The following N4BP2L2 variants were observed in gnomAD, a reference collection of about 807,000 sequenced individuals.
The protein encoded by N4BP2L2 is NEDD4-binding protein 2-like 2.
N4BP2L2 carries 50 observed loss-of-function variants against 56.2 expected under a neutral mutation model. That is an observed-to-expected ratio of 0.89 (90% CI 0.71 to 1.13). The LOEUF (loss-of-function observed/expected upper bound fraction) is 1.13, where lower values mean the gene tolerates loss of function less well. Ranked by LOEUF, N4BP2L2 falls within the 50% of genes most tolerant of loss-of-function variation. The pLI is 0.00. For synonymous variants in N4BP2L2, 203 were observed against 223.6 expected, an observed-to-expected ratio of 0.91 and a Z score of 0.82; for missense variants, 689 against 693.8, an observed-to-expected ratio of 0.99 and a Z score of 0.08.
chr13:32,491,638 T>A (rs1350338261), intron 6 of N4BP2L2, among the ~76,000 whole-genome samples: 453 of 57,182 alleles, frequency 7.9e-3, no homozygotes, highest in African/African-American at 0.02. Context: ...TATATATATT[T>A]TTTTTTTTTT....
At chr13:32,505,037 A>G (rs920954311) in intron 6 of N4BP2L2, 3 of 152,240 alleles carry the variant, frequency 2.0e-5, no homozygotes, top group Non-Finnish European at 2.9e-5. Context: ...TGAGCCCACC[A>G]GTGTGGTAGC....
intron 6 of N4BP2L2, among the ~76,000 whole-genome samples, chr13:32,501,581 G>A (rs1334410569): frequency 1.3e-5 from 2 of 152,086 alleles, no homozygotes; most frequent in African/African-American, 4.8e-5. Flanking sequence ...TTGGGAGGCC[G>A]AGGCAGGCGG....
At chr13:32,506,063 A>G (rs1417596786), downstream of N4BP2L2, 1 of 152,230 alleles carries the variant, frequency 6.6e-6, no homozygotes, top group African/African-American at 2.4e-5. Context: ...CAGATTGGGT[A>G]GTTTAAAGAA....
intron 6 of N4BP2L2, among the ~76,000 whole-genome samples, chr13:32,494,463 CA>C (rs1424040121): frequency 6.6e-6 from 1 of 151,682 alleles, no homozygotes; most frequent in Non-Finnish European, 1.5e-5. Flanking sequence ...CAGGAGAAAA[CA>C]AAAAAGTACT....
At chr13:32,465,291 A>G (rs1233314938) in intron 6 of N4BP2L2, among the ~76,000 whole-genome samples, 2 of 152,214 alleles carry the variant, frequency 1.3e-5, no homozygotes, top group Admixed American at 6.5e-5. Context: ...TCTTCTTCAC[A>G]GTTGGTGGGG....
exon 2 of N4BP2L2, chr13:32,535,795 A>C (rs778755969): frequency 6.2e-7 from 1 of 1,614,012 alleles, no homozygotes; most frequent in East Asian, 2.2e-5. Context: ...TCCCAGAACC[A>C]GGCAGACCTC....
chr13:32,521,029 T>C (rs1262543790), intron 5 of N4BP2L2, among the ~76,000 whole-genome samples: 1 of 152,242 alleles, frequency 6.6e-6, no homozygotes, highest in African/African-American at 2.4e-5. Context: ...TAGATGTATA[T>C]GCACTATATT....
At chr13:32,500,848 T>C (rs537573690) in intron 6 of N4BP2L2, among the ~76,000 whole-genome samples, 3 of 151,420 alleles carry the variant, frequency 2.0e-5, no homozygotes, top group South Asian at 2.1e-4. Context: ...ATGACAACTC[T>C]GTCACTTTAG....
At chr13:32,456,492 G>A (rs913239852) in intron 6 of N4BP2L2, among the ~76,000 whole-genome samples, 2 of 152,082 alleles carry the variant, frequency 1.3e-5, no homozygotes, top group African/African-American at 2.4e-5. Flanking sequence ...ATGACAACTC[G>A]AAAGGAACAT....
At chr13:32,474,909 T>C (rs1407095778) in intron 6 of N4BP2L2, among the ~76,000 whole-genome samples, 1 of 152,190 alleles carries the variant, frequency 6.6e-6, no homozygotes, top group Non-Finnish European at 1.5e-5. Context: ...CATATGTGCA[T>C]AAAAAATGTC....
At chr13:32,491,708 T>G (rs1179891409) in intron 6 of N4BP2L2, among the ~76,000 whole-genome samples, 1 of 150,018 alleles carries the variant, frequency 6.7e-6, no homozygotes, top group Non-Finnish European at 1.5e-5. Flanking sequence ...CTCGGCTCAC[T>G]GCAACCTCCA....
At chr13:32,451,745 C>T (rs115045272) in intron 6 of N4BP2L2, among the ~76,000 whole-genome samples, 6,577 of 150,440 alleles carry the variant, frequency 0.044, 235 homozygotes, top group African/African-American at 0.1. Context: ...GAAACAGGGT[C>T]TCACTATGTT....
At chr13:32,517,030 A>T in exon 6 of N4BP2L2, 1 of 972,522 alleles carries the variant, frequency 1.0e-6, no homozygotes, top group Non-Finnish European at 1.2e-6. Flanking sequence ...GACCATGTTA[A>T]GCAACTGTCC....
intron 1 of N4BP2L2, among the ~76,000 whole-genome samples, chr13:32,538,067 T>A: frequency 1.1e-5 from 1 of 90,434 alleles, no homozygotes; most frequent in African/African-American, 4.8e-5. Flanking sequence ...GGAGACCCCG[T>A]CTTGGGGGGG....
chr13:32,478,522 A>G (rs1399741789), intron 6 of N4BP2L2: 1 of 155,292 alleles, frequency 6.4e-6, no homozygotes, highest in Non-Finnish European at 1.4e-5. Context: ...CGGGAGAAAA[A>G]TGCTTTTGAA....
chr13:32,441,553 G>A (rs548894010), intron 7 of N4BP2L2, among the ~76,000 whole-genome samples: 14 of 151,442 alleles, frequency 9.2e-5, no homozygotes, highest in Non-Finnish European at 1.6e-4. Context: ...GTATGGTGGC[G>A]GATGCCTGTA....
intron 6 of N4BP2L2, among the ~76,000 whole-genome samples, chr13:32,474,398 T>G (rs969919702): frequency 1.3e-5 from 2 of 151,690 alleles, no homozygotes; most frequent in Non-Finnish European, 2.9e-5. Context: ...ATGATAGAAA[T>G]GTACTTAGCG....
chr13:32,495,473 C>G (rs2088344447), intron 6 of N4BP2L2, among the ~76,000 whole-genome samples: 2 of 152,188 alleles, frequency 1.3e-5, no homozygotes, highest in African/African-American at 4.8e-5. Flanking sequence ...TTGGATTCTT[C>G]TAGATACTCC....
chr13:32,532,340 T>C (rs1262907528), intron 2 of N4BP2L2, among the ~76,000 whole-genome samples: 1 of 152,212 alleles, frequency 6.6e-6, no homozygotes, highest in African/African-American at 2.4e-5. Flanking sequence ...TCTCTCAAAT[T>C]ACTTTTAAAA....
Sources: gnomAD v4.1 joint callset for allele counts (sites outside exome capture counted in the v4.1 genomes callset) on GRCh38, gnomAD v4.1.1 for gene constraint, MANE v1.5 for transcripts, NCBI Gene and HGNC (gene_info 2026-07-23, HGNC 2026-07-21) for gene names.